The following CPNE4 variants were observed in gnomAD, a reference collection of about 807,000 sequenced individuals.
The protein encoded by CPNE4 is copine 4.
CPNE4 carries 25 observed loss-of-function variants against 67.9 expected under a neutral mutation model. That is an observed-to-expected ratio of 0.37 (90% CI 0.27 to 0.51). The LOEUF (loss-of-function observed/expected upper bound fraction) is 0.51, where lower values mean the gene tolerates loss of function less well. Among genes scored for constraint, CPNE4 ranks in the 20% least tolerant of loss-of-function variants. CPNE4 has a pLI of 0.93. For synonymous variants in CPNE4, 242 were observed against 244.9 expected (o/e 0.99, Z 0.11); for missense variants, 464 against 690.8 (o/e 0.67, Z 3.68).
In CPNE4 at chr3:131,849,592, G is replaced by C. The variant is rs574032520; in HGVS notation, c.180+55672C>G. ...CTTCTAGCATTGGGTATTACAACTG[G>C]ACATAAGATTTGGGCGGGGACACAA... On this transcript the variant is annotated intron_variant, in intron 2 of 15. Coordinates refer to ENST00000429747, the MANE Select transcript of CPNE4 (RefSeq NM_130808.3). Among the ~76,000 whole-genome samples, 12 of 152,150 alleles carry C rather than the reference G, an allele frequency of 7.9e-5. No homozygotes were observed. In the South Asian group the frequency reaches 2.5e-3, roughly 32 times the overall value.
chr3:131,725,291 G>A (rs1218577312), intron 2 of CPNE4, among the ~76,000 whole-genome samples: 1 of 152,222 alleles, frequency 6.6e-6, no homozygotes, highest in East Asian at 1.9e-4. Flanking sequence ...AGGGATGTAT[G>A]TGAGAGAAAA....
At chr3:131,990,968 C>A (rs2073162326) in intron 1 of CPNE4, among the ~76,000 whole-genome samples, 1 of 136,270 alleles carries the variant, frequency 7.3e-6, no homozygotes, top group African/African-American at 2.5e-5. Flanking sequence ...AGCACTTCTC[C>A]TTTCTGCTGC....
chr3:131,715,751 A>G (rs2081667831), intron 3 of CPNE4, among the ~76,000 whole-genome samples: 2 of 152,224 alleles, frequency 1.3e-5, no homozygotes, highest in Non-Finnish European at 2.9e-5. Context: ...ATGAGGATGA[A>G]TGAATGAGTT....
At chr3:131,754,497 C>T (rs2082708032) in intron 2 of CPNE4, among the ~76,000 whole-genome samples, 1 of 151,926 alleles carries the variant, frequency 6.6e-6, no homozygotes, top group Non-Finnish European at 1.5e-5. Context: ...TAAAAATATA[C>T]CTTAAGTCAC....
At position 131,587,504 on chromosome 3, in the gene CPNE4, C is replaced by T. The variant is rs866070002; in HGVS notation, c.760G>A (p.Gly254Arg). Residue 254 changes from glycine to arginine, a missense_variant, in exon 8 of 16, where the codon GGA becomes AGA. Physicochemically the swap from Gly to Arg is moderately radical, Grantham distance 125. This residue lies in a region of CPNE4 where 26 missense variants were observed against 24.0 expected (regional missense o/e 1.08). Coordinates refer to ENST00000429747, the MANE Select transcript of CPNE4 (RefSeq NM_130808.3). The stretch of plus-strand genomic sequence containing the variant: ...TGTACCTGTTTCCCTTCCATTGCTC[C>T]TCTCATCTCCTTGAATGTCGAGGTG... ...EFTSTFKEMR[G>R]AMEGKQVQWE... 3.7e-6 allele frequency: 6 copies of T among 1,613,724 alleles called. No individual in the cohort carries two copies. Among genetic ancestry groups the T allele is most frequent in the Non-Finnish European group, 5.1e-6 (6 of 1,179,672 alleles).
chr3:131,649,479 C>T (rs1374577342), intron 7 of CPNE4, among the ~76,000 whole-genome samples: 1 of 152,176 alleles, frequency 6.6e-6, no homozygotes, highest in Non-Finnish European at 1.5e-5. Context: ...TTGTGGCACA[C>T]TATAGGGCCA....
intron 2 of CPNE4, among the ~76,000 whole-genome samples, chr3:131,753,222 A>G (rs920558902): frequency 6.6e-6 from 1 of 151,928 alleles, no homozygotes; most frequent in Non-Finnish European, 1.5e-5. Context: ...ACCTAAGAAA[A>G]AAGTAAAATT....
chr3:131,720,966 C>T (rs2081868615), intron 3 of CPNE4, among the ~76,000 whole-genome samples: 1 of 152,184 alleles, frequency 6.6e-6, no homozygotes, highest in South Asian at 2.1e-4. Context: ...ACCTGATGCA[C>T]TCTCACTCTC....
intron 1 of CPNE4, among the ~76,000 whole-genome samples, chr3:131,963,537 T>C (rs541302689): frequency 3.3e-5 from 5 of 152,178 alleles, no homozygotes; most frequent in Admixed American, 6.5e-5. Context: ...CGACCTGGGA[T>C]GCTTGAGCTT....
chr3:131,655,275 A>G (rs758298460), intron 7 of CPNE4, among the ~76,000 whole-genome samples: 5 of 152,148 alleles, frequency 3.3e-5, no homozygotes, highest in Non-Finnish European at 5.9e-5. Context: ...TGGGGTTAGG[A>G]CCCAATGATG....
intron 1 of CPNE4, among the ~76,000 whole-genome samples, chr3:132,030,105 A>G (rs1159863838): frequency 6.6e-6 from 1 of 152,082 alleles, no homozygotes; most frequent in Admixed American, 6.5e-5. Context: ...ACTCTAATGG[A>G]GGTGGGAGAC....
At chr3:131,916,150 T>A (rs1033675368) in intron 1 of CPNE4, among the ~76,000 whole-genome samples, 1 of 152,114 alleles carries the variant, frequency 6.6e-6, no homozygotes, top group Non-Finnish European at 1.5e-5. Context: ...TTAAATAATG[T>A]TTTATTATTT....
intron 2 of CPNE4, among the ~76,000 whole-genome samples, chr3:131,806,222 TA>T (rs904587815): frequency 6.6e-6 from 1 of 152,204 alleles, no homozygotes; most frequent in African/African-American, 2.4e-5. Context: ...TAATTTAAAA[TA>T]TGAACTTTGC....
intron 7 of CPNE4, among the ~76,000 whole-genome samples, chr3:131,622,127 T>C (rs1940510859): frequency 6.6e-6 from 1 of 152,078 alleles, no homozygotes; most frequent in Admixed American, 6.6e-5. Flanking sequence ...CTTAAGCCCA[T>C]GTCTCCTGAG....
intron 2 of CPNE4, among the ~76,000 whole-genome samples, chr3:131,841,312 G>A (rs750048): frequency 0.22 from 33,080 of 152,058 alleles, 3,882 homozygotes; most frequent in Admixed American, 0.33. Flanking sequence ...GTGAACACAG[G>A]GTATTTAGAA....
intron 1 of CPNE4, among the ~76,000 whole-genome samples, chr3:131,971,930 T>C: frequency 6.6e-6 from 1 of 152,220 alleles, no homozygotes; most frequent in Non-Finnish European, 1.5e-5. Flanking sequence ...TTGCCTTTGT[T>C]TCTCTTGCAT....
intron 2 of CPNE4, among the ~76,000 whole-genome samples, chr3:131,817,070 C>T (rs905679801): frequency 6.6e-6 from 1 of 152,012 alleles, no homozygotes; most frequent in South Asian, 2.1e-4. Context: ...CTAATGTGGG[C>T]GTAAAGGGCA....
At chr3:131,958,609 CTTTTTTTTTTTTTTT>C (rs748126986) in intron 1 of CPNE4, among the ~76,000 whole-genome samples, 40 of 96,004 alleles carry the variant, frequency 4.2e-4, no homozygotes, top group African/African-American at 1.6e-3. Context: ...TCTTTCTTTT[CTTTTTTTTTTTTTTT>C]TTTTTTTTTT....
At chr3:131,595,466 G>T (rs888591399) in intron 7 of CPNE4, among the ~76,000 whole-genome samples, 3 of 152,148 alleles carry the variant, frequency 2.0e-5, no homozygotes, top group Admixed American at 6.5e-5. Context: ...CTTGAGCCTG[G>T]GTAATTTACA....
Sources: gnomAD v4.1 joint callset for allele counts (sites outside exome capture counted in the v4.1 genomes callset) on GRCh38, gnomAD v4.1.1 for gene constraint, gnomAD v4.1.1 regional missense constraint, MANE v1.5 for transcripts, NCBI Gene and HGNC (gene_info 2026-07-23, HGNC 2026-07-21) for gene names.